ERC2: variants seen among roughly 807,000 people sequenced by gnomAD.
ERC2 encodes ELKS/RAB6-interacting/CAST family member 2.
In ERC2, 42 loss-of-function variants were observed where a neutral mutation model predicts 114.8. The observed-to-expected ratio is 0.37, with a 90% CI of 0.29 to 0.47. The LOEUF is 0.47. Ranked by LOEUF, ERC2 falls within the 20% of genes least tolerant of loss-of-function variation. ERC2 has a pLI of 0.99. For synonymous variants in ERC2, 454 were observed against 425.5 expected (o/e 1.07, Z -0.82); for missense variants, 939 against 1,150.7 (o/e 0.82, Z 2.66).
chr3:56,425,573 T>A (rs1576901029), intron 2 of ERC2, among the ~76,000 whole-genome samples: 1 of 151,220 alleles, frequency 6.6e-6, no homozygotes, highest in Non-Finnish European at 1.5e-5. Context: ...TTTTTTTTTT[T>A]TTTTTTTGGC....
intron 7 of ERC2, among the ~76,000 whole-genome samples, chr3:56,022,776 C>T (rs1405407555): frequency 6.6e-6 from 1 of 152,092 alleles, no homozygotes; most frequent in African/African-American, 2.4e-5. Flanking sequence ...TTGGACACCA[C>T]CTTAGCAACA....
chr3:55,705,737 C>T lies in ERC2; in HGVS notation c.2713-6225G>A, dbSNP rs764746653. On this transcript the variant is annotated intron_variant, in intron 15 of 17. Coordinates refer to ENST00000288221, the MANE Select transcript of ERC2 (RefSeq NM_015576.3). ...CTCTATAGCAGAACAGAACACTGGT[C>T]GGACTCTCCCTCCCAACTTTGTTAA... Among the ~76,000 whole-genome samples the T allele has an allele frequency of 3.3e-5, 5 of 152,140 alleles. No homozygotes were observed. In the South Asian group the frequency reaches 8.3e-4, roughly 25 times the overall value.
intron 2 of ERC2, among the ~76,000 whole-genome samples, chr3:56,304,876 T>C (rs866141637): frequency 2.0e-5 from 3 of 152,306 alleles, no homozygotes; most frequent in African/African-American, 4.8e-5. Context: ...GACAGTATCA[T>C]TCTTAATGGT....
chr3:56,165,712 G>C (rs2082290626), intron 4 of ERC2, among the ~76,000 whole-genome samples: 2 of 151,780 alleles, frequency 1.3e-5, no homozygotes, highest in Admixed American at 6.6e-5. Flanking sequence ...AAGTGATATT[G>C]TTTTCTCAAT....
At chr3:56,043,575 C>A (rs1190421288) in intron 7 of ERC2, among the ~76,000 whole-genome samples, 1 of 152,018 alleles carries the variant, frequency 6.6e-6, no homozygotes, top group Non-Finnish European at 1.5e-5. Context: ...AAAAAAAAAT[C>A]TTTTAAAATC....
At chr3:55,609,335 C>T (rs574701226) in intron 17 of ERC2, among the ~76,000 whole-genome samples, 1 of 152,196 alleles carries the variant, frequency 6.6e-6, no homozygotes, top group African/African-American at 2.4e-5. Context: ...TCCAGCATTC[C>T]TCCCCTAGCC....
intron 12 of ERC2, among the ~76,000 whole-genome samples, chr3:55,954,216 G>A (rs1018419598): frequency 6.7e-6 from 1 of 148,242 alleles, no homozygotes; most frequent in African/African-American, 2.5e-5. Context: ...GGTAAAAGAA[G>A]TATTTGGAAA....
intron 17 of ERC2, among the ~76,000 whole-genome samples, chr3:55,562,786 C>T (rs796862054): frequency 5.9e-5 from 9 of 152,006 alleles, no homozygotes; most frequent in African/African-American, 1.7e-4. Flanking sequence ...GAAGACATTT[C>T]TGTCCATGCT....
At chr3:55,725,119 G>A (rs1459129462) in intron 15 of ERC2, among the ~76,000 whole-genome samples, 1 of 152,168 alleles carries the variant, frequency 6.6e-6, no homozygotes, top group African/African-American at 2.4e-5. Context: ...ATTCTGATAT[G>A]CTCTGCCAAC....
chr3:55,953,605 T>C (rs568850417), intron 12 of ERC2, among the ~76,000 whole-genome samples: 1 of 152,230 alleles, frequency 6.6e-6, no homozygotes, highest in South Asian at 2.1e-4. Context: ...GTGGAATAGG[T>C]GAGCAGAGCC....
chr3:56,352,837 T>C (rs528994963), intron 2 of ERC2, among the ~76,000 whole-genome samples: 37 of 152,146 alleles, frequency 2.4e-4, no homozygotes, highest in Non-Finnish European at 4.0e-4. Context: ...TGCTTTTGAT[T>C]GGAGATTACC....
chr3:56,012,354 C>T (rs1288086309), intron 8 of ERC2, among the ~76,000 whole-genome samples: 3 of 152,116 alleles, frequency 2.0e-5, no homozygotes, highest in Non-Finnish European at 4.4e-5. Context: ...CCCAGGAATC[C>T]CTCTGGCTGG....
chr3:55,940,109 C>A (rs2066690494), intron 13 of ERC2, among the ~76,000 whole-genome samples: 1 of 152,138 alleles, frequency 6.6e-6, no homozygotes, highest in Admixed American at 6.6e-5. Context: ...GGGAGGACAT[C>A]CCTGCTCCTG....
intron 17 of ERC2, among the ~76,000 whole-genome samples, chr3:55,638,065 A>G (rs1273675659): frequency 6.6e-6 from 1 of 152,106 alleles, no homozygotes; most frequent in Non-Finnish European, 1.5e-5. Flanking sequence ...TCCCCACACA[A>G]TGATTTCCCT....
intron 14 of ERC2, among the ~76,000 whole-genome samples, chr3:55,805,154 G>A (rs2059441781): frequency 6.6e-6 from 1 of 151,926 alleles, no homozygotes; most frequent in Non-Finnish European, 1.5e-5. Flanking sequence ...CGACATACAT[G>A]AGATCATTTA....
intron 2 of ERC2, among the ~76,000 whole-genome samples, chr3:56,329,773 T>C (rs899408118): frequency 7.4e-5 from 11 of 147,706 alleles, no homozygotes; most frequent in African/African-American, 2.2e-4. Context: ...AGTATTCTCA[T>C]ATATATGTAT....
intron 14 of ERC2, among the ~76,000 whole-genome samples, chr3:55,763,741 G>A (rs936077527): frequency 3.3e-5 from 5 of 152,208 alleles, no homozygotes; most frequent in East Asian, 1.9e-4. Context: ...AGCCCATTAC[G>A]AAAATTTAAT....
intron 2 of ERC2, among the ~76,000 whole-genome samples, chr3:56,319,303 CA>C (rs1273622621): frequency 6.6e-6 from 1 of 150,900 alleles, no homozygotes; most frequent in Non-Finnish European, 1.5e-5. Context: ...GAATATTATT[CA>C]GCCTTAAAAA....
In ERC2 at chr3:56,408,521, A is replaced by G. The variant is rs548323907; in HGVS notation, c.657+25830T>C. Among the ~76,000 whole-genome samples, 8 of 152,250 alleles carry G rather than the reference A, an allele frequency of 5.3e-5. No individual in the cohort carries two copies. The East Asian group carries it at 1.5e-3, about 29-fold the overall frequency. ...CGCTCACATCCCCCTTCCCTGACAC[A>G]CACAATTACGCTTCGTAATGGTCAC... On this transcript the variant is annotated intron_variant, in intron 2 of 17. Coordinates refer to ENST00000288221, the MANE Select transcript of ERC2 (RefSeq NM_015576.3).
Sources: gnomAD v4.1 joint callset for allele counts (sites outside exome capture counted in the v4.1 genomes callset) on GRCh38, gnomAD v4.1.1 for gene constraint, MANE v1.5 for transcripts, NCBI Gene and HGNC (gene_info 2026-07-23, HGNC 2026-07-21) for gene names.